GPHN: variants seen among roughly 807,000 people sequenced by gnomAD.
GPHN encodes gephyrin.
Under a neutral mutation model 95.5 loss-of-function variants are expected in GPHN, and 17 were observed. That is an observed-to-expected ratio of 0.18 (90% CI 0.12 to 0.27). The LOEUF (loss-of-function observed/expected upper bound fraction) is 0.27, where lower values mean the gene tolerates loss of function less well. Ranked by LOEUF, GPHN falls within the 10% of genes least tolerant of loss-of-function variation. GPHN has a pLI of 1.00. For missense variants in GPHN, 660 were observed against 978.1 expected, an observed-to-expected ratio of 0.67 and a Z score of 4.34; for synonymous variants, 320 against 322.5, an observed-to-expected ratio of 0.99 and a Z score of 0.08.
At chr14:67,359,354 G>A in the GPHN span, among the ~76,000 whole-genome samples, 1 of 152,172 alleles carries the variant, frequency 6.6e-6, no homozygotes, top group Non-Finnish European at 1.5e-5. Context: ...TCCAGTGCCC[G>A]GCTCAATAAG....
intron 12 of GPHN, among the ~76,000 whole-genome samples, chr14:67,096,064 A>G (rs945890954): frequency 1.3e-5 from 2 of 151,798 alleles, no homozygotes; most frequent in African/African-American, 2.4e-5. Context: ...GATGATTTGC[A>G]TGCACATTAA....
chr14:66,747,619 A>C (rs946614882), intron 2 of GPHN, among the ~76,000 whole-genome samples: 8 of 151,904 alleles, frequency 5.3e-5, no homozygotes, highest in African/African-American at 1.9e-4. Flanking sequence ...TGTAAAAAAA[A>C]AAAACAAAAC....
chr14:67,492,105 C>T, the GPHN span, among the ~76,000 whole-genome samples: 3 of 152,158 alleles, frequency 2.0e-5, no homozygotes, highest in African/African-American at 7.2e-5. Flanking sequence ...CCATCTAGCC[C>T]ACTCTATCTC....
intron 3 of GPHN, among the ~76,000 whole-genome samples, chr14:66,801,238 G>A (rs2060336374): frequency 6.6e-6 from 1 of 151,806 alleles, no homozygotes; most frequent in Non-Finnish European, 1.5e-5. Flanking sequence ...TGTTTTCCTG[G>A]GTTGTCTTGA....
the GPHN span, chr14:67,571,513 A>G: frequency 1.0e-4 from 45 of 444,652 alleles, no homozygotes; most frequent in Non-Finnish European, 1.6e-4. Context: ...TTCAGTCGTG[A>G]TGGGCAGCTG....
At chr14:67,253,556 G>T in the GPHN span, among the ~76,000 whole-genome samples, 2 of 152,228 alleles carry the variant, frequency 1.3e-5, no homozygotes, top group East Asian at 1.9e-4. Flanking sequence ...TAAAAATGAC[G>T]TAGTTAGGCC....
chr14:67,727,190 G>C, the GPHN span: 2 of 1,610,624 alleles, frequency 1.2e-6, no homozygotes, highest in Non-Finnish European at 1.7e-6. Flanking sequence ...GAGGCTCCAA[G>C]GTAAGTCTGG....
the GPHN span, among the ~76,000 whole-genome samples, chr14:67,207,314 C>A: frequency 1.3e-5 from 2 of 152,208 alleles, no homozygotes; most frequent in South Asian, 4.2e-4. Context: ...GGGGAGCCAG[C>A]ACATCACATG....
chr14:67,483,497 C>T, the GPHN span, among the ~76,000 whole-genome samples: 1 of 152,162 alleles, frequency 6.6e-6, no homozygotes, highest in Non-Finnish European at 1.5e-5. Context: ...GGAGAGACAA[C>T]AGGAAGCAAG....
At chr14:67,118,572 A>G (rs2153690150) in intron 16 of GPHN, among the ~76,000 whole-genome samples, 2 of 150,900 alleles carry the variant, frequency 1.3e-5, no homozygotes, top group African/African-American at 5.0e-5. Flanking sequence ...CTAAAAATAC[A>G]AAAAAATTAG....
At chr14:66,536,375 T>C (rs1262020942) in intron 1 of GPHN, among the ~76,000 whole-genome samples, 1 of 152,222 alleles carries the variant, frequency 6.6e-6, no homozygotes, top group East Asian at 1.9e-4. Flanking sequence ...GATTTTTAAA[T>C]GTTAAACCAA....
chr14:66,862,131 A>G (rs1334903523), intron 4 of GPHN, among the ~76,000 whole-genome samples: 1 of 151,858 alleles, frequency 6.6e-6, no homozygotes, highest in African/African-American at 2.4e-5. Flanking sequence ...ATACAAATAA[A>G]CAAAATCAAA....
chr14:66,849,459 AC>A (rs1427998848), intron 4 of GPHN, among the ~76,000 whole-genome samples: 2 of 152,032 alleles, frequency 1.3e-5, no homozygotes, highest in African/African-American at 4.8e-5. Flanking sequence ...TTGCTAAATT[AC>A]CCTCTTAGAA....
chr14:67,044,025 C>T (rs1594914269), intron 10 of GPHN, among the ~76,000 whole-genome samples: 1 of 151,958 alleles, frequency 6.6e-6, no homozygotes, highest in East Asian at 1.9e-4. Context: ...GGTGTTTATA[C>T]TATTATCTGA....
At chr14:67,666,043 G>T in the GPHN span, among the ~76,000 whole-genome samples, 2 of 152,148 alleles carry the variant, frequency 1.3e-5, no homozygotes, top group Non-Finnish European at 2.9e-5. Flanking sequence ...GTATTATTTT[G>T]TAATAAGCTG....
At chr14:66,889,707 A>G (rs1163223528) in intron 5 of GPHN, among the ~76,000 whole-genome samples, 1 of 152,090 alleles carries the variant, frequency 6.6e-6, no homozygotes, top group Non-Finnish European at 1.5e-5. Flanking sequence ...AAGTTAAGAA[A>G]CTAGAAAAAG....
chr14:66,822,333 T>G (rs528413923), intron 3 of GPHN, among the ~76,000 whole-genome samples: 2 of 152,342 alleles, frequency 1.3e-5, no homozygotes, highest in South Asian at 4.1e-4. Flanking sequence ...ACAGATCGTC[T>G]CCTTAGACTA....
At chr14:67,433,470 G>A in the GPHN span, among the ~76,000 whole-genome samples, 2 of 152,050 alleles carry the variant, frequency 1.3e-5, no homozygotes, top group South Asian at 2.1e-4. Context: ...AGAGGAAAAC[G>A]TGAAAGAATA....
the GPHN span, chr14:67,587,946 C>T: frequency 6.5e-6 from 1 of 152,816 alleles, no homozygotes; most frequent in South Asian, 2.1e-4. Context: ...TTCTCCTACA[C>T]TCTGTCAGAA....
Sources: gnomAD v4.1 joint callset for allele counts (sites outside exome capture counted in the v4.1 genomes callset) on GRCh38, gnomAD v4.1.1 for gene constraint, MANE v1.5 for transcripts, NCBI Gene and HGNC (gene_info 2026-07-23, HGNC 2026-07-21) for gene names.